RBM38: variants seen among roughly 807,000 people sequenced by gnomAD.
RBM38 encodes the protein RNA binding motif protein 38, also known as RNA-binding protein 38.
In RBM38, 11 loss-of-function variants were observed where a neutral mutation model predicts 23.5. The observed-to-expected ratio is 0.47, with a 90% CI of 0.29 to 0.77. The LOEUF (loss-of-function observed/expected upper bound fraction) is 0.77, where lower values mean the gene tolerates loss of function less well. RBM38 is among the 30% of genes least tolerant of loss of function. The probability of loss-of-function intolerance (pLI) is 0.08; values close to 1 mark genes in which losing one functional copy is unlikely to be tolerated. For missense variants in RBM38, 330 were observed against 351.9 expected (o/e 0.94, Z 0.50); for synonymous variants, 165 against 166.1 (o/e 0.99, Z 0.05).
At chr20:57,393,194 T>A in intron 2 of RBM38, 85 bp from the exon 3 acceptor site, 1 of 1,312,696 alleles carries the variant, frequency 7.6e-7, no homozygotes, top group Non-Finnish European at 1.1e-6. Context: ...GGTGTGTGGC[T>A]TGTGGGATTC....
intron 3 of RBM38, among the ~76,000 whole-genome samples, chr20:57,405,134 C>A (rs1054977633): frequency 3.9e-5 from 6 of 152,216 alleles, no homozygotes; most frequent in African/African-American, 1.4e-4. Context: ...AGAAGCCACC[C>A]TGGCCTTTCC....
In RBM38 at chr20:57,392,399, G is replaced by C. The variant is rs2067229138; in HGVS notation, c.238-255G>C. 5 of 1,518,084 alleles carry C rather than the reference G, an allele frequency of 3.3e-6. No individual in the cohort carries two copies. The South Asian group carries it at 3.6e-5, about 11-fold the overall frequency. 94.0% of individuals were successfully genotyped at this position (1,518,084 alleles called of 1,614,324 possible). A position where few individuals can be genotyped will look rare whatever the true frequency, so the allele number is the denominator to read the frequency against. The stretch of plus-strand genomic sequence containing the variant: ...TCATTTTTGCCCTATCCCCGCAGGG[G>C]ATTATTTTTGTCCTTGAAGGCCACA... On this transcript the variant is annotated intron_variant, in intron 1 of 3. Coordinates refer to ENST00000356208, the MANE Select transcript of RBM38 (RefSeq NM_017495.6).
chr20:57,407,702 C>T lies in RBM38; in HGVS notation c.576C>T (p.Tyr192=), dbSNP rs199953546. ...YPPATYDQYP[Y]AASPATAASF... is the part of the protein sequence containing the mutation. ...CGGCCACCTATGACCAGTACCCATA[C>T]GCCGCCTCGCCTGCCACGGCTGCCA... The change falls in exon 4 of 4, where the codon TAC becomes TAT. Residue 192 remains tyrosine (Y), a synonymous_variant. Coordinates refer to ENST00000356208, the MANE Select transcript of RBM38 (RefSeq NM_017495.6). The surrounding 1 kb of genome is among the most constrained non-coding windows in gnomAD (Gnocchi z 4.0). The T allele has an allele frequency of 9.3e-5, 150 of 1,612,294 alleles. No individual in the cohort carries two copies. Among genetic ancestry groups the T allele is most frequent in the South Asian group, 1.8e-4 (16 of 91,078 alleles).
At chr20:57,406,818 C>G (rs1321167235) in intron 3 of RBM38, among the ~76,000 whole-genome samples, 1 of 152,056 alleles carries the variant, frequency 6.6e-6, no homozygotes, top group Non-Finnish European at 1.5e-5. Flanking sequence ...ACGGTGAAAC[C>G]TCATCTCTAC....
chr20:57,398,780 T>A (rs1378058369), intron 3 of RBM38, among the ~76,000 whole-genome samples: 1 of 152,232 alleles, frequency 6.6e-6, no homozygotes, highest in Non-Finnish European at 1.5e-5. Flanking sequence ...GGGGCACAGC[T>A]TTGTCTCAGG....
rs548977895 is a variant in RBM38 at position 57,407,997 on chromosome 20, G to A, written c.*151G>A. The stretch of plus-strand genomic sequence containing the variant: ...AAGACCGCTCGGGCATTCCGCCTGC[G>A]CCCTGGGACAGCGGAGAGACGGCTT... On this transcript the variant is annotated 3_prime_UTR_variant, in exon 4 of 4. Coordinates refer to ENST00000356208, the MANE Select transcript of RBM38 (RefSeq NM_017495.6). This position sits in a 1 kb window ranked among gnomAD's most constrained non-coding sequence, Gnocchi z 4.0. 6.1e-5 allele frequency: 55 copies of A among 903,152 alleles called. No individual in the cohort carries two copies. Among genetic ancestry groups the A allele is most frequent in the South Asian group, 4.9e-4 (28 of 57,718 alleles). 55.9% of individuals were successfully genotyped at this position (903,152 alleles called of 1,614,324 possible).
Position 57,406,923 on chromosome 20 carries a change from GGCGGAGCTTGCAGTGA to G in RBM38, c.417-613_417-598del, listed in dbSNP as rs1220836082. On this transcript the variant is annotated intron_variant, in intron 3 of 3. Coordinates refer to ENST00000356208, the MANE Select transcript of RBM38 (RefSeq NM_017495.6). ...GCAGGAGAATGGCGTGAACCCGGGT[GGCGGAGCTTGCAGTGA>G]GCGGAGATCCCGCCACTGCACTCCA... 2.0e-5 allele frequency among the ~76,000 whole-genome samples: 3 copies of G among 151,958 alleles called. No individual in the cohort carries two copies. The East Asian group carries it at 5.8e-4, about 29-fold the overall frequency.
intron 3 of RBM38, among the ~76,000 whole-genome samples, chr20:57,394,694 C>T (rs905560106): frequency 1.3e-5 from 2 of 152,164 alleles, no homozygotes; most frequent in Non-Finnish European, 2.9e-5. Context: ...ACACTGTAGC[C>T]TTCATGCCTT....
intron 3 of RBM38, among the ~76,000 whole-genome samples, chr20:57,406,547 C>A (rs1184766674): frequency 6.6e-6 from 1 of 152,162 alleles, no homozygotes; most frequent in Non-Finnish European, 1.5e-5. Flanking sequence ...CGGGTCTCCC[C>A]CCAGCGTGGG....
rs6128021 is a variant in RBM38 at position 57,399,928 on chromosome 20, A to G, written c.416+6595A>G. On this transcript the variant is annotated intron_variant, in intron 3 of 3. Coordinates refer to ENST00000356208, the MANE Select transcript of RBM38 (RefSeq NM_017495.6). ...TTGCCTTTTTCGTTTTTATTTTCAG[A>G]GGCGACTTTATGTTCAGAAAATGAG... is the stretch of plus-strand genomic sequence containing the variant. 4.9e-4 allele frequency: 222 copies of G among 456,330 alleles called. 3 individuals carry two copies. The East Asian group carries it at 0.014, about 29-fold the overall frequency. The allele number at this position is 456,330 out of a possible 1,614,324, so 28.3% of individuals were successfully genotyped here.
intron 3 of RBM38, among the ~76,000 whole-genome samples, chr20:57,394,504 T>C (rs2067254469): frequency 6.6e-6 from 1 of 152,148 alleles, no homozygotes; most frequent in African/African-American, 2.4e-5. Context: ...TGAGGGGTGC[T>C]GGAGGGTGGC....
At position 57,407,824 on chromosome 20, in the gene RBM38, T is replaced by C; in HGVS notation, c.698T>C (p.Leu233Pro). The C allele has an allele frequency of 6.3e-7, 1 of 1,577,328 alleles. No individual in the cohort carries two copies. The highest frequency in any genetic ancestry group is 8.6e-7 in the Non-Finnish European group (1 of 1,165,136). ...TTFVQYQAPQ[L>P]QPDRMQ is the part of the protein sequence containing the mutation. ...TTCGTGCAGTACCAGGCGCCGCAGC[T>C]GCAGCCTGACAGGATGCAGTGAGGG... Residue 233 changes from leucine (L) to proline (P), a missense_variant, in exon 4 of 4, where the codon CTG becomes CCG. Leu to Pro is a moderately conservative substitution (Grantham distance 98, BLOSUM62 -3). Transcript: ENST00000356208. This position sits in a 1 kb window ranked among gnomAD's most constrained non-coding sequence, Gnocchi z 4.0.
rs866932162 is a variant in RBM38, at chr20:57,407,011, C to A, written c.417-532C>A. 0.036 allele frequency among the ~76,000 whole-genome samples: 4,684 copies of A among 128,852 alleles called. 118 individuals carry two copies. The highest frequency in any genetic ancestry group is 0.052 in the Non-Finnish European group (3,090 of 59,826). 84.5% of individuals were successfully genotyped at this position (128,852 alleles called of 152,430 possible). A position where few individuals can be genotyped will look rare whatever the true frequency, so the allele number is the denominator to read the frequency against. On this transcript the variant is annotated intron_variant, in intron 3 of 3. Transcript: ENST00000356208. This position sits in a 1 kb window ranked among gnomAD's most constrained non-coding sequence, Gnocchi z 4.0. ...TCTGTCTCAAAAAAAAAAAAAAAAA[C>A]AAACCCTGTGAGGAGCAGGTGTTGG...
chr20:57,401,641 C>T (rs1023687102), intron 3 of RBM38, among the ~76,000 whole-genome samples: 11 of 152,220 alleles, frequency 7.2e-5, no homozygotes, highest in Admixed American at 2.0e-4. Context: ...GATGAAGGGG[C>T]TTCCGATCAT....
intron 2 of RBM38, chr20:57,393,059 G>A: frequency 1.6e-6 from 1 of 642,082 alleles, no homozygotes; most frequent in South Asian, 1.9e-5. Flanking sequence ...TGGAGGTTGG[G>A]AGTGCCGACA....
Position 57,391,762 on chromosome 20 carries a change from G to A in RBM38, c.181G>A (p.Glu61Lys), listed in dbSNP as rs780895718. Residue 61 changes from glutamate to lysine, a missense_variant, in exon 1 of 4, where the codon GAG becomes AAG. Around this residue, in one of 3 missense-constraint regions of RBM38, gnomAD observed 95 missense variants for 111.9 expected, o/e 0.85. Transcript: ENST00000356208. ...GTACTTCGAGGGCTTCGGCGACATC[G>A]AGGAGGCCGTGGTCATCACCGACCG... is the stretch of plus-strand genomic sequence containing the variant. ...RKYFEGFGDIEEAVVITDRQT... is the reference protein window; with the variant it reads ...RKYFEGFGDIKEAVVITDRQT... 6.4e-7 allele frequency: 1 copy of A among 1,574,248 alleles called. No homozygotes were observed. The highest frequency in any genetic ancestry group is 1.8e-5 in the Admixed American group (1 of 56,554).
At position 57,400,984 on chromosome 20, in the gene RBM38, T is replaced by C. The variant is rs983376530; in HGVS notation, c.417-6559T>C. On this transcript the variant is annotated intron_variant, in intron 3 of 3. Transcript: ENST00000356208. ...AGTGGCTTCTAGAGGAGGGAGCAAG[T>C]GCCGTGTGCCCAAAGAGGCCGGTGG... is the stretch of plus-strand genomic sequence containing the variant. Among the ~76,000 whole-genome samples, 11 of 152,152 alleles carry C rather than the reference T, an allele frequency of 7.2e-5. 1 individual carries two copies. The highest frequency in any genetic ancestry group is 7.2e-4 in the Admixed American group (11 of 15,290).
chr20:57,392,622 C>T (rs1158342447), intron 1 of RBM38, 32 bp from the exon 2 acceptor site: 4 of 1,593,968 alleles, frequency 2.5e-6, no homozygotes, highest in East Asian at 2.2e-5. Flanking sequence ...GTTCCCCCCA[C>T]GGCAGCCCCT....
chr20:57,397,920 C>T (rs1212485515), intron 3 of RBM38, among the ~76,000 whole-genome samples: 4 of 152,142 alleles, frequency 2.6e-5, no homozygotes, highest in Admixed American at 2.0e-4. Context: ...GGAACAGTTC[C>T]GCGTCTCGAG....
Sources: gnomAD v4.1 joint callset for allele counts (sites outside exome capture counted in the v4.1 genomes callset) on GRCh38, gnomAD v4.1.1 for gene constraint, gnomAD v4.1.1 regional missense constraint, Gnocchi (gnomAD v3.1) non-coding constraint, MANE v1.5 for transcripts, NCBI Gene and HGNC (gene_info 2026-07-23, HGNC 2026-07-21) for gene names.